Variants in PRH1 observed in about 807,000 individuals in gnomAD.
PRH1 encodes proline rich protein HaeIII subfamily 1, also known as salivary acidic proline-rich phosphoprotein 1/2.
In PRH1, 7 loss-of-function variants were observed where a neutral mutation model predicts 7.9. The observed-to-expected ratio is 0.89, with a 90% CI of 0.50 to 1.67. PRH1 has a LOEUF of 1.67. PRH1 is among the 40% of genes most tolerant of loss of function. PRH1 has a pLI of 0.00. For missense variants in PRH1, 109 were observed against 223.6 expected (o/e 0.49, Z 3.27); for synonymous variants, 45 against 80.8 (o/e 0.56, Z 2.38).
intron 1 of PRH1, among the ~76,000 whole-genome samples, chr12:11,163,744 G>A (rs1170800610): frequency 1.3e-5 from 2 of 152,148 alleles, no homozygotes; most frequent in East Asian, 3.8e-4. Context: ...TACAAAGTCT[G>A]CAGAAGCAGA....
intron 1 of PRH1, among the ~76,000 whole-genome samples, chr12:11,011,671 TA>T (rs1269062443): frequency 1.3e-5 from 2 of 152,158 alleles, no homozygotes; most frequent in African/African-American, 4.8e-5. Context: ...ACTGTGAATT[TA>T]TTTTTTCAAT....
intron 2 of PRH1, among the ~76,000 whole-genome samples, chr12:10,958,577 A>G (rs1938090610): frequency 6.6e-6 from 1 of 152,190 alleles, no homozygotes; most frequent in South Asian, 2.1e-4. Context: ...AAAGAAAAAA[A>G]AACTGCAAAG....
chr12:11,104,110 T>G (rs1945336578), intron 1 of PRH1, among the ~76,000 whole-genome samples: 1 of 151,282 alleles, frequency 6.6e-6, no homozygotes, highest in Non-Finnish European at 1.5e-5. Flanking sequence ...TTCACTTTAT[T>G]TAGATATTTG....
chr12:11,003,607 T>C (rs11054151), intron 1 of PRH1, among the ~76,000 whole-genome samples: 46,230 of 151,798 alleles, frequency 0.3, 8,906 homozygotes, highest in East Asian at 0.74. Flanking sequence ...AAATAAAATT[T>C]CTTTTATGAG....
intron 1 of PRH1, among the ~76,000 whole-genome samples, chr12:11,136,222 TGTAG>T (rs1463216101): frequency 1.3e-5 from 2 of 152,244 alleles, no homozygotes; most frequent in Non-Finnish European, 1.5e-5. Flanking sequence ...TTGAACTCTG[TGTAG>T]GTGCATTCCT....
At chr12:11,024,856 C>G (rs990995696) in intron 1 of PRH1, among the ~76,000 whole-genome samples, 1 of 152,202 alleles carries the variant, frequency 6.6e-6, no homozygotes, top group African/African-American at 2.4e-5. Flanking sequence ...CATAGAAAAG[C>G]CCAAAACACA....
At chr12:11,157,271 A>C (rs1269330305) in intron 1 of PRH1, among the ~76,000 whole-genome samples, 1 of 152,250 alleles carries the variant, frequency 6.6e-6, no homozygotes, top group East Asian at 1.9e-4. Flanking sequence ...TTCAAGGAGC[A>C]GAACTTGATC....
chr12:10,961,339 A>G (rs1043226048), intron 2 of PRH1, among the ~76,000 whole-genome samples: 3 of 150,894 alleles, frequency 2.0e-5, no homozygotes, highest in Admixed American at 6.6e-5. Context: ...ACAATGATAA[A>G]ATCAGAAGAT....
rs1438472959 is a variant in PRH1, at chr12:10,932,701, G to T, written c.-59+40954C>A. ...TGCCTGTATTCCCCAGAAGCCACTA[G>T]ACCTATTTTCCCCTATTTTATCACT... On this transcript the variant is annotated intron_variant, in intron 2 of 3. Transcript: ENST00000539853. 4.6e-5 allele frequency among the ~76,000 whole-genome samples: 7 copies of T among 152,132 alleles called. No homozygotes were observed. The East Asian group carries it at 1.4e-3, about 29-fold the overall frequency.
rs1225802374 is a variant in PRH1, at chr12:11,074,206, A to G, written n.124-27018T>C. Among the ~76,000 whole-genome samples, 6 of 147,394 alleles carry G rather than the reference A, an allele frequency of 4.1e-5. 2 individuals are homozygous for G. The highest frequency in any genetic ancestry group is 9.1e-5 in the Non-Finnish European group (6 of 66,138). On this transcript the variant is annotated intron_variant and non_coding_transcript_variant, in intron 1 of 4. Coordinates refer to the PRH1 transcript ENST00000541977. ...AAAGCTTAGTTGCTCACTTCATGTA[A>G]AGTCTAATTAAAAAGAGCACAGTCT...
chr12:11,140,680 G>A (rs1946677454), intron 1 of PRH1, among the ~76,000 whole-genome samples: 1 of 152,152 alleles, frequency 6.6e-6, no homozygotes, highest in African/African-American at 2.4e-5. Flanking sequence ...TGAAGTGAAA[G>A]CTGAATTCTC....
At chr12:11,155,795 T>A (rs1445586433) in intron 1 of PRH1, among the ~76,000 whole-genome samples, 3 of 152,204 alleles carry the variant, frequency 2.0e-5, no homozygotes, top group Non-Finnish European at 2.9e-5. Flanking sequence ...CAATTACAAA[T>A]AATACTACCA....
chr12:11,041,307 A>AAG (rs1555145154), intron 1 of PRH1, among the ~76,000 whole-genome samples: 1 of 97,204 alleles, frequency 1.0e-5, no homozygotes, highest in African/African-American at 4.4e-5. Flanking sequence ...AAAAAAAAAA[A>AAG]AAAACAAAAA....
chr12:10,929,186 TG>T (rs1950165696), intron 2 of PRH1: 11 of 1,585,556 alleles, frequency 6.9e-6, no homozygotes, highest in Non-Finnish European at 9.5e-6. Context: ...GGAGCTCAAA[TG>T]CGCCATTGTC....
At chr12:10,884,395 G>C, upstream of PRH1, 1 of 688,320 alleles carries the variant, frequency 1.5e-6, no homozygotes, top group Non-Finnish European at 2.5e-6. Flanking sequence ...CATTTCTTTT[G>C]GGACTCTAGC....
At chr12:11,134,127 T>G (rs1318682196) in intron 1 of PRH1, 6 of 1,614,026 alleles carry the variant, frequency 3.7e-6, no homozygotes, top group South Asian at 2.2e-5. Flanking sequence ...AAGGAGATCT[T>G]TTGTCTCTTG....
chr12:11,017,660 G>T (rs932583534), intron 1 of PRH1, among the ~76,000 whole-genome samples: 5 of 151,672 alleles, frequency 3.3e-5, no homozygotes, highest in African/African-American at 1.2e-4. Flanking sequence ...AAATTTTTTT[G>T]TATTTTTTTT....
intron 1 of PRH1, among the ~76,000 whole-genome samples, chr12:11,160,163 A>G (rs552616958): frequency 6.6e-6 from 1 of 152,318 alleles, no homozygotes; most frequent in African/African-American, 2.4e-5. Flanking sequence ...AATTGTTAGA[A>G]ATAACATTTA....
At chr12:11,008,070 C>T (rs1940906556) in intron 1 of PRH1, among the ~76,000 whole-genome samples, 1 of 151,866 alleles carries the variant, frequency 6.6e-6, no homozygotes. Context: ...TGAGGAATAT[C>T]AAAGTTTTGT....
Sources: allele counts gnomAD v4.1 joint callset (sites outside exome capture counted in the v4.1 genomes callset), GRCh38; gene constraint gnomAD v4.1.1; transcripts MANE v1.5; gene names NCBI Gene and HGNC (gene_info 2026-07-23, HGNC 2026-07-21).